Variants in RHBDD2 observed in about 807,000 individuals in gnomAD.
RHBDD2 encodes the protein rhomboid domain-containing protein 2.
RHBDD2 carries 13 observed loss-of-function variants against 21.7 expected under a neutral mutation model. The ratio of observed to expected loss-of-function variants is 0.60; its 90% CI spans 0.39 to 0.95. The LOEUF is 0.95. Ranked by LOEUF, RHBDD2 falls within the 40% of genes least tolerant of loss-of-function variation. The pLI is 0.00. For synonymous variants in RHBDD2, 225 were observed against 220.0 expected (o/e 1.02, Z -0.20); for missense variants, 473 against 478.9 (o/e 0.99, Z 0.11).
At chr7:75,880,927 A>G (rs782284177) in intron 1 of RHBDD2, among the ~76,000 whole-genome samples, 11 of 152,096 alleles carry the variant, frequency 7.2e-5, no homozygotes, top group South Asian at 2.1e-4. Context: ...GGGTCTCACT[A>G]TGTTACCTAG....
intron 2 of RHBDD2, among the ~76,000 whole-genome samples, chr7:75,883,029 G>A (rs896244635): frequency 3.3e-5 from 5 of 152,108 alleles, no homozygotes; most frequent in Non-Finnish European, 7.3e-5. Context: ...AGGACGAGGT[G>A]TTAGTCCCTC....
rs1805572505 is a variant in RHBDD2, at chr7:75,885,020, A to G, written c.737+1172A>G. 3.3e-5 allele frequency among the ~76,000 whole-genome samples: 5 copies of G among 151,832 alleles called. No homozygotes were observed. The South Asian group carries it at 1.0e-3, about 32-fold the overall frequency. Reference sequence around the variant, plus strand: ...TCCCAGCTACTCAGGAGGCTGAGGCAGGAGAATCACTCGAACCTGGGAGGT... The same window carrying G: ...TCCCAGCTACTCAGGAGGCTGAGGCGGGAGAATCACTCGAACCTGGGAGGT... On this transcript the variant is annotated intron_variant, in intron 3 of 3. Coordinates refer to ENST00000006777, the MANE Select transcript of RHBDD2 (RefSeq NM_001040456.3).
In RHBDD2 at chr7:75,881,953, C is replaced by T; in HGVS notation, c.303C>T (p.Phe101=). The T allele has an allele frequency of 6.2e-7, 1 of 1,614,262 alleles. No individual in the cohort carries two copies. Among genetic ancestry groups the T allele is most frequent in the Non-Finnish European group, 8.5e-7 (1 of 1,180,054 alleles). Residue 101 remains phenylalanine, a synonymous_variant, in exon 2 of 4, where the codon TTC becomes TTT. Coordinates refer to ENST00000006777, the MANE Select transcript of RHBDD2 (RefSeq NM_001040456.3). ...CCGTGGGCACCGTCCGCCACTGCTTCTTCACCGTGATCTTCGCCATCTTCT... is the reference window on the plus strand; with the variant it reads ...CCGTGGGCACCGTCCGCCACTGCTTTTTCACCGTGATCTTCGCCATCTTCT... The part of the protein sequence containing the change: ...ERTVGTVRHC[F]FTVIFAIFSA...
At chr7:75,879,424 A>G (rs1805186232) in intron 1 of RHBDD2, among the ~76,000 whole-genome samples, 164 bp downstream of exon 1, 1 of 152,034 alleles carries the variant, frequency 6.6e-6, no homozygotes, top group African/African-American at 2.4e-5. Flanking sequence ...GACCTCCAGC[A>G]CCGTCTCTTG....
At position 75,879,598 on chromosome 7, in the gene RHBDD2, G is replaced by A. The variant is rs562781309; in HGVS notation, c.178+338G>A. 1.2e-4 allele frequency among the ~76,000 whole-genome samples: 18 copies of A among 152,084 alleles called. No homozygotes were observed. In the South Asian group the frequency reaches 3.7e-3, roughly 32 times the overall value. On this transcript the variant is annotated intron_variant, in intron 1 of 3. Coordinates refer to ENST00000006777, the MANE Select transcript of RHBDD2 (RefSeq NM_001040456.3). ...CGCTCTCCAAGGGTAAAGATTTTTC[G>A]TCTCCCCCTCCCATTTCACATACAC...
intron 2 of RHBDD2, among the ~76,000 whole-genome samples, chr7:75,882,565 T>C (rs1249516760): frequency 6.6e-6 from 1 of 152,148 alleles, no homozygotes; most frequent in African/African-American, 2.4e-5. Flanking sequence ...TCTCAGGTGA[T>C]CTACCCACCG....
chr7:75,888,742 CT>C lies in RHBDD2; in HGVS notation c.*395del. The stretch of plus-strand genomic sequence containing the variant: ...GTGTCCGTGTGTCCATGTGTCTGCC[CT>C]TCAGGAGCTCGCAGCTGGTGTGCTT... On this transcript the variant is annotated 3_prime_UTR_variant, in exon 4 of 4. Coordinates refer to ENST00000006777, the MANE Select transcript of RHBDD2 (RefSeq NM_001040456.3). The C allele has an allele frequency of 4.4e-6, 1 of 226,978 alleles. No homozygotes were observed. The highest frequency in any genetic ancestry group is 8.8e-6 in the Non-Finnish European group (1 of 114,020). The allele number at this position is 226,978 out of a possible 1,614,324, so 14.1% of individuals were successfully genotyped here.
At chr7:75,883,518 CA>C (rs143886218) in intron 2 of RHBDD2, 179 bp from the exon 3 acceptor site, 6,476 of 431,596 alleles carry the variant, frequency 0.015, no homozygotes, top group South Asian at 0.023. Context: ...GACTCCATCT[CA>C]AAAAAAAAAA....
At chr7:75,887,242 G>C (rs1319509302) in intron 3 of RHBDD2, among the ~76,000 whole-genome samples, 1 of 144,516 alleles carries the variant, frequency 6.9e-6, no homozygotes, top group African/African-American at 2.6e-5. Flanking sequence ...GGTTTAAGCA[G>C]TCCTCCTACC....
chr7:75,879,373 C>T lies in RHBDD2; in HGVS notation c.178+113C>T, dbSNP rs1325782364. On this transcript the variant is annotated intron_variant, in intron 1 of 3. Coordinates refer to ENST00000006777, the MANE Select transcript of RHBDD2 (RefSeq NM_001040456.3). ...TTCAGGCCTCACCGCCAGTCTCCCCCTGTCTCGGTCCTCATCACCATGCCC... is the reference window on the plus strand; with the variant it reads ...TTCAGGCCTCACCGCCAGTCTCCCCTTGTCTCGGTCCTCATCACCATGCCC... 3.8e-6 allele frequency: 4 copies of T among 1,043,656 alleles called. No individual in the cohort carries two copies. In the East Asian group the frequency reaches 1.3e-4, roughly 34 times the overall value. 64.6% of individuals were successfully genotyped at this position (1,043,656 alleles called of 1,614,324 possible). A position where few individuals can be genotyped will look rare whatever the true frequency, so the allele number is the denominator to read the frequency against.
chr7:75,887,394 T>TG (rs1255273119), intron 3 of RHBDD2, among the ~76,000 whole-genome samples: 2 of 151,600 alleles, frequency 1.3e-5, no homozygotes, highest in Non-Finnish European at 2.9e-5. Context: ...CTTGGCTCAC[T>TG]GCAACCTCTG....
At position 75,888,332 on chromosome 7, in the gene RHBDD2, A is replaced by G; in HGVS notation, c.1078A>G (p.Arg360Gly). The G allele has an allele frequency of 6.2e-7, 1 of 1,610,794 alleles. No individual in the cohort carries two copies. Among genetic ancestry groups the G allele is most frequent in the Non-Finnish European group, 8.5e-7 (1 of 1,179,280 alleles). Residue 360 changes from arginine to glycine, a missense_variant, in exon 4 of 4, where the codon AGG becomes GGG. Arg to Gly is a moderately radical substitution (Grantham distance 125). Coordinates refer to ENST00000006777, the MANE Select transcript of RHBDD2 (RefSeq NM_001040456.3). ...PGAAGSKESS[R>G]VPMP Reference sequence around the variant, plus strand: ...GGCTGCAGGCTCCAAGGAGTCCTCCAGGGTCCCCATGCCCTGAGAGAATTT... The same window carrying G: ...GGCTGCAGGCTCCAAGGAGTCCTCCGGGGTCCCCATGCCCTGAGAGAATTT...
intron 3 of RHBDD2, 57 bp downstream of exon 3, chr7:75,883,905 T>C: frequency 6.8e-7 from 1 of 1,476,540 alleles, no homozygotes; most frequent in East Asian, 2.4e-5. Flanking sequence ...AAATTATTTT[T>C]TTTTTTTGAG....
Position 75,886,707 on chromosome 7 carries a change from G to A in RHBDD2, c.738-1285G>A, listed in dbSNP as rs193206228. On this transcript the variant is annotated intron_variant, in intron 3 of 3. Coordinates refer to ENST00000006777, the MANE Select transcript of RHBDD2 (RefSeq NM_001040456.3). The stretch of plus-strand genomic sequence containing the variant: ...TGGGCACCTGTAGTCCCAGCTACTC[G>A]GGAGGCTGAGCCAGGAGAATGGTGT... Among the ~76,000 whole-genome samples, 6 of 152,168 alleles carry A rather than the reference G, an allele frequency of 3.9e-5. No individual in the cohort carries two copies. The East Asian group carries it at 9.7e-4, about 24-fold the overall frequency.
At chr7:75,882,756 C>G (rs1805410805) in intron 2 of RHBDD2, among the ~76,000 whole-genome samples, 1 of 151,786 alleles carries the variant, frequency 6.6e-6, no homozygotes, top group South Asian at 2.1e-4. Context: ...GACTTTTGTT[C>G]TGATAGGCGG....
At chr7:75,886,373 G>C (rs1314353544) in intron 3 of RHBDD2, among the ~76,000 whole-genome samples, 2 of 148,422 alleles carry the variant, frequency 1.3e-5, no homozygotes, top group African/African-American at 2.4e-5. Context: ...TTTAGGACTA[G>C]GTGTTTTGTG....
chr7:75,881,939 G>A lies in RHBDD2; in HGVS notation c.289G>A (p.Val97Ile), dbSNP rs782471564. 10 of 1,614,066 alleles carry A rather than the reference G, an allele frequency of 6.2e-6. No individual in the cohort carries two copies. Among genetic ancestry groups the A allele is most frequent in the South Asian group, 1.1e-5 (1 of 91,092 alleles). Reference protein sequence around the residue: ...AGNFERTVGTVRHCFFTVIFA... With the variant: ...AGNFERTVGTIRHCFFTVIFA... Reference sequence around the variant, plus strand: ...CAATTTCGAGAGAACCGTGGGCACCGTCCGCCACTGCTTCTTCACCGTGAT... The same window carrying A: ...CAATTTCGAGAGAACCGTGGGCACCATCCGCCACTGCTTCTTCACCGTGAT... The change falls in exon 2 of 4, where the codon GTC (valine) becomes ATC (isoleucine). Residue 97 changes from valine (V) to isoleucine (I), a missense_variant. Val to Ile is a conservative substitution (Grantham distance 29). Transcript: ENST00000006777.
intron 3 of RHBDD2, among the ~76,000 whole-genome samples, 191 bp downstream of exon 3, chr7:75,884,039 C>T (rs568097234): frequency 2.9e-4 from 44 of 151,836 alleles, no homozygotes; most frequent in Admixed American, 1.1e-3. Flanking sequence ...ATTACAGGTG[C>T]CCACCACTAC....
intron 3 of RHBDD2, among the ~76,000 whole-genome samples, chr7:75,884,216 T>G (rs184790731): frequency 5.3e-5 from 8 of 152,070 alleles, no homozygotes; most frequent in Admixed American, 1.3e-4. Context: ...TCTTATTCTG[T>G]TTTTTTATTC....
Sources: gnomAD v4.1 joint callset for allele counts (sites outside exome capture counted in the v4.1 genomes callset) on GRCh38, gnomAD v4.1.1 for gene constraint, MANE v1.5 for transcripts, NCBI Gene and HGNC (gene_info 2026-07-23, HGNC 2026-07-21) for gene names.